The following OR4K1 variants were observed in gnomAD, a reference collection of about 807,000 sequenced individuals.
OR4K1 encodes olfactory receptor 4K1.
Under a neutral mutation model 14.4 loss-of-function variants are expected in OR4K1, and 16 were observed. The observed-to-expected ratio is 1.11, with a 90% CI of 0.75 to 1.68. The LOEUF (loss-of-function observed/expected upper bound fraction) is 1.68, where lower values mean the gene tolerates loss of function less well. OR4K1 is among the 40% of genes most tolerant of loss of function. The pLI is 0.00. For missense variants in OR4K1, 548 were observed against 376.9 expected (o/e 1.45, Z -3.76); for synonymous variants, 181 against 133.1 (o/e 1.36, Z -2.48).
At position 19,936,134 on chromosome 14, in the gene OR4K1, T is replaced by C. The variant is rs1433886484; in HGVS notation, c.468T>C (p.Ser156=). ...SISWAVGVLH[S]VSHLAFTVDL... Reference sequence around the variant, plus strand: ...CCTGGGCGGTGGGCGTTCTTCATTCTGTGAGCCACTTGGCTTTTACAGTGG... The same window carrying C: ...CCTGGGCGGTGGGCGTTCTTCATTCCGTGAGCCACTTGGCTTTTACAGTGG... Residue 156 remains serine, a synonymous_variant, in exon 2 of 2, where the codon TCT becomes TCC. Coordinates refer to ENST00000641172, the MANE Select transcript of OR4K1 (RefSeq NM_001004063.3). 8 of 1,614,142 alleles carry C rather than the reference T, an allele frequency of 5.0e-6. No homozygotes were observed. The highest frequency in any genetic ancestry group is 2.7e-5 in the African/African-American group (2 of 74,954).
chr14:19,935,165 A>G (rs1478519037), intron 1 of OR4K1, among the ~76,000 whole-genome samples: 1 of 152,204 alleles, frequency 6.6e-6, no homozygotes, highest in Non-Finnish European at 1.5e-5. Context: ...ACATCTTTAT[A>G]TTTTTACCTT....
upstream of OR4K1, among the ~76,000 whole-genome samples, chr14:19,926,865 C>A (rs550884082): frequency 6.6e-6 from 1 of 152,176 alleles, no homozygotes; most frequent in Non-Finnish European, 1.5e-5. Flanking sequence ...TTTTAGGATT[C>A]CAGAAAAAAA....
rs753561367 is a variant in OR4K1 at position 19,936,358 on chromosome 14, G to A, written c.692G>A (p.Ser231Asn). The A allele has an allele frequency of 1.2e-6, 2 of 1,614,128 alleles. No homozygotes were observed. The highest frequency in any genetic ancestry group is 1.7e-6 in the Non-Finnish European group (2 of 1,180,054). ...ATCGGTGTCCGATGCAGGTCCTCCA[G>A]TGGGTCATCTAAGGCTCTTTCTACA... ...ILIGVRCRSS[S>N]GSSKALSTLT... Residue 231 changes from serine to asparagine, a missense_variant, in exon 2 of 2, where the codon AGT (serine) becomes AAT (asparagine). By Grantham distance (46) the Ser-to-Asn change is conservative (BLOSUM62 1). Transcript: ENST00000641172.
At position 19,935,689 on chromosome 14, in the gene OR4K1, T is replaced by C; in HGVS notation, c.23T>C (p.Met8Thr). Reference protein sequence around the residue: MAHTNESMVSEFVLLGLS... With the variant: MAHTNESTVSEFVLLGLS... Reference sequence around the variant, plus strand: ...TACATGGCTCACACAAATGAATCGATGGTGTCTGAGTTTGTACTTTTGGGA... The same window carrying C: ...TACATGGCTCACACAAATGAATCGACGGTGTCTGAGTTTGTACTTTTGGGA... The change falls in exon 2 of 2, where the codon ATG becomes ACG. Residue 8 changes from methionine (M) to threonine (T), a missense_variant. Transcript: ENST00000641172. The C allele has an allele frequency of 6.2e-7, 1 of 1,603,240 alleles. No homozygotes were observed. The highest frequency in any genetic ancestry group is 8.5e-7 in the Non-Finnish European group (1 of 1,176,680).
At chr14:19,922,895 A>G in the OR4K1 span, among the ~76,000 whole-genome samples, 4 of 152,212 alleles carry the variant, frequency 2.6e-5, no homozygotes, top group Non-Finnish European at 5.9e-5. Flanking sequence ...GGCCTTTGTA[A>G]TAATTTTTAG....
At chr14:19,933,051 T>C (rs1189500388) in intron 1 of OR4K1, among the ~76,000 whole-genome samples, 12 of 151,428 alleles carry the variant, frequency 7.9e-5, no homozygotes, top group Admixed American at 4.6e-4. Flanking sequence ...GTAATAGATG[T>C]ATGTACAAAA....
At chr14:19,921,198 C>G in the OR4K1 span, 1 of 1,614,052 alleles carries the variant, frequency 6.2e-7, no homozygotes, top group Non-Finnish European at 8.5e-7. Flanking sequence ...CATTGAAATA[C>G]TAATTGTGGT....
At chr14:19,935,604 G>C in intron 1 of OR4K1, 44 bp from the exon 2 acceptor site, 1 of 1,341,908 alleles carries the variant, frequency 7.5e-7, no homozygotes. Flanking sequence ...TAGAGGTATT[G>C]TAATGCCAAT....
At position 19,935,877 on chromosome 14, in the gene OR4K1, A is replaced by T; in HGVS notation, c.211A>T (p.Ile71Phe). ...GCTCAGTAATCTTTCTTTCATTGATATCTGTCAGTCTAACTTTGCCACCCC... is the reference window on the plus strand; with the variant it reads ...GCTCAGTAATCTTTCTTTCATTGATTTCTGTCAGTCTAACTTTGCCACCCC... ...FLLSNLSFID[I>F]CQSNFATPKM... The change falls in exon 2 of 2, where the codon ATC becomes TTC. Residue 71 changes from isoleucine (I) to phenylalanine (F), a missense_variant. Transcript: ENST00000641172. 1 of 1,614,256 alleles carries T rather than the reference A, an allele frequency of 6.2e-7. No homozygotes were observed. The highest frequency in any genetic ancestry group is 8.5e-7 in the Non-Finnish European group (1 of 1,180,044).
In OR4K1 at chr14:19,936,436, TC is replaced by T. The variant is rs1882326042; in HGVS notation, c.771del (p.Tyr258IlefsTer25). Reference protein sequence around the residue: ...VILFFGPCIYFYIWPFSRLPV... With the variant: ...VILFFGPCIYXYIWPFSRLPV... ...CTTTTCTTCGGGCCTTGCATTTATT[TC>T]TATATATGGCCTTTTAGCAGACTTC... On this transcript the variant is annotated frameshift_variant, in exon 2 of 2. Transcript: ENST00000641172. LOFTEE classifies it high-confidence loss of function. The T allele has an allele frequency of 2.5e-6, 4 of 1,614,156 alleles. No homozygotes were observed. Among genetic ancestry groups the T allele is most frequent in the Non-Finnish European group, 3.4e-6 (4 of 1,180,030 alleles).
Position 19,935,919 on chromosome 14 carries a change from T to C in OR4K1, c.253T>C (p.Phe85Leu), listed in dbSNP as rs539052536. 42 of 1,614,210 alleles carry C rather than the reference T, an allele frequency of 2.6e-5. No homozygotes were observed. The South Asian group carries it at 4.0e-4, about 15-fold the overall frequency. The change falls in exon 2 of 2, where the codon TTT (phenylalanine) becomes CTT (leucine). Residue 85 changes from phenylalanine to leucine, a missense_variant. By Grantham distance (22) the Phe-to-Leu change is conservative (BLOSUM62 0). Transcript: ENST00000641172. The stretch of plus-strand genomic sequence containing the variant: ...TGCCACCCCCAAGATGCTTGTAGAC[T>C]TTTTTATTGAGCGCAAGACTATCTC... ...NFATPKMLVD[F>L]FIERKTISFE...
chr14:19,921,268 T>C, the OR4K1 span: 1 of 1,614,200 alleles, frequency 6.2e-7, no homozygotes. Flanking sequence ...TACATCATTA[T>C]TCTTGTTACA....
chr14:19,921,016 G>A, the OR4K1 span: 1 of 1,614,202 alleles, frequency 6.2e-7, no homozygotes, highest in South Asian at 1.1e-5. Flanking sequence ...GTCATCATGA[G>A]CCGAAGGACA....
At position 19,935,571 on chromosome 14, in the gene OR4K1, C is replaced by A. The variant is rs551093365; in HGVS notation, c.-19-77C>A. ...GACTATTTCTTTTGTTTAGAATTGA[C>A]TATATTTCTTTTGTTTATAAACTAG... On this transcript the variant is annotated intron_variant, in intron 1 of 1. Coordinates refer to ENST00000641172, the MANE Select transcript of OR4K1 (RefSeq NM_001004063.3). The A allele has an allele frequency of 3.7e-6, 4 of 1,075,628 alleles. No homozygotes were observed. In the South Asian group the frequency reaches 4.8e-5, roughly 13 times the overall value. The allele number at this position is 1,075,628 out of a possible 1,614,324, so 66.6% of individuals were successfully genotyped here. A position where few individuals can be genotyped will look rare whatever the true frequency, so the allele number is the denominator to read the frequency against.
upstream of OR4K1, among the ~76,000 whole-genome samples, chr14:19,930,099 C>T (rs931025370): frequency 6.6e-6 from 1 of 151,884 alleles, no homozygotes; most frequent in African/African-American, 2.4e-5. Flanking sequence ...TTTCATCACA[C>T]TAAAATATTA....
intron 1 of OR4K1, 151 bp from the exon 2 acceptor site, chr14:19,935,497 T>C: frequency 1.6e-6 from 1 of 617,898 alleles, no homozygotes; most frequent in Non-Finnish European, 2.7e-6. Flanking sequence ...TGTTAAATAT[T>C]AGTCAACTGA....
the OR4K1 span, chr14:19,920,898 A>G: frequency 1.2e-6 from 2 of 1,614,080 alleles, no homozygotes; most frequent in Admixed American, 1.7e-5. Flanking sequence ...CAGTGGCTGC[A>G]TAGCCCAAAT....
At chr14:19,935,459 CTCTT>C (rs1294397049) in intron 1 of OR4K1, 185 bp from the exon 2 acceptor site, 1 of 474,490 alleles carries the variant, frequency 2.1e-6, no homozygotes. Context: ...CTTTTTCACA[CTCTT>C]TCAACTTTCA....
chr14:19,920,880 A>C, the OR4K1 span: 2 of 1,614,034 alleles, frequency 1.2e-6, no homozygotes, highest in Admixed American at 3.3e-5. Flanking sequence ...ACACGAGACC[A>C]TATCTTTCAG....
Sources: allele counts gnomAD v4.1 joint callset (sites outside exome capture counted in the v4.1 genomes callset), GRCh38; gene constraint gnomAD v4.1.1; transcripts MANE v1.5; gene names NCBI Gene and HGNC (gene_info 2026-07-23, HGNC 2026-07-21).